ABTB3: variants seen among roughly 807,000 people sequenced by gnomAD.
The protein encoded by ABTB3 is ankyrin repeat and BTB domain containing 3.
At chr12:107,545,853 C>T in the ABTB3 span, among the ~76,000 whole-genome samples, 2 of 152,118 alleles carry the variant, frequency 1.3e-5, no homozygotes, top group African/African-American at 4.8e-5. Context: ...CACTCCTAGC[C>T]CCAACAGCCT....
At chr12:107,367,043 A>G in the ABTB3 span, among the ~76,000 whole-genome samples, 53 of 152,268 alleles carry the variant, frequency 3.5e-4, no homozygotes, top group Middle Eastern at 3.4e-3. Context: ...CCACTCCCCA[A>G]ATAGTTGGGA....
the ABTB3 span, chr12:107,612,933 AG>A: frequency 1.1e-5 from 17 of 1,482,374 alleles, no homozygotes; most frequent in African/African-American, 2.2e-4. Context: ...CGAGCAAGAA[AG>A]GGGGGCTTTT....
the ABTB3 span, among the ~76,000 whole-genome samples, chr12:107,605,680 T>G: frequency 1.3e-5 from 2 of 152,326 alleles, no homozygotes; most frequent in Middle Eastern, 6.8e-3. Context: ...GTTCTATTTA[T>G]GTTTTAAACT....
chr12:107,340,746 C>A, the ABTB3 span, among the ~76,000 whole-genome samples: 8 of 152,230 alleles, frequency 5.3e-5, no homozygotes, highest in Non-Finnish European at 1.2e-4. Flanking sequence ...AAGAAACAAA[C>A]AAACCCTCCT....
chr12:107,538,524 C>G, the ABTB3 span, among the ~76,000 whole-genome samples: 2 of 152,164 alleles, frequency 1.3e-5, no homozygotes, highest in African/African-American at 4.8e-5. Context: ...TTTCAGGGAG[C>G]AGCTCTTTGA....
the ABTB3 span, among the ~76,000 whole-genome samples, chr12:107,370,381 T>C: frequency 6.6e-6 from 1 of 152,220 alleles, no homozygotes; most frequent in Non-Finnish European, 1.5e-5. Context: ...CTTTCTCTTC[T>C]TCCAAAGTCA....
the ABTB3 span, among the ~76,000 whole-genome samples, chr12:107,634,115 C>CT: frequency 6.6e-6 from 1 of 152,214 alleles, no homozygotes; most frequent in African/African-American, 2.4e-5. Context: ...ACTGTTCCTT[C>CT]TGTGATCTAC....
the ABTB3 span, among the ~76,000 whole-genome samples, chr12:107,408,635 G>A: frequency 1.3e-5 from 2 of 152,214 alleles, no homozygotes; most frequent in Non-Finnish European, 2.9e-5. Context: ...TGAGTGTAAT[G>A]AGGGTCTGGA....
the ABTB3 span, among the ~76,000 whole-genome samples, chr12:107,342,823 G>A: frequency 1.8e-4 from 28 of 152,062 alleles, no homozygotes; most frequent in Non-Finnish European, 2.4e-4. Flanking sequence ...ATTTCTTGGG[G>A]TTGCTCCCAT....
At chr12:107,377,242 C>T in the ABTB3 span, among the ~76,000 whole-genome samples, 2 of 152,166 alleles carry the variant, frequency 1.3e-5, no homozygotes, top group Admixed American at 6.6e-5. Flanking sequence ...TTTAGGACAG[C>T]GCTGAAGCAT....
At chr12:107,652,358 G>T in the ABTB3 span, among the ~76,000 whole-genome samples, 1 of 152,214 alleles carries the variant, frequency 6.6e-6, no homozygotes, top group African/African-American at 2.4e-5. Context: ...AATGCCAGCT[G>T]CAAGTTAGAA....
the ABTB3 span, among the ~76,000 whole-genome samples, chr12:107,563,336 G>C: frequency 6.6e-6 from 1 of 152,150 alleles, no homozygotes; most frequent in South Asian, 2.1e-4. Context: ...TCAAAGAAAG[G>C]TGATTGAGAA....
the ABTB3 span, among the ~76,000 whole-genome samples, chr12:107,562,415 G>A: frequency 6.6e-6 from 1 of 152,210 alleles, no homozygotes; most frequent in Non-Finnish European, 1.5e-5. Flanking sequence ...CAAGCCATAT[G>A]GATATCTGAG....
chr12:107,319,033 C>G, the ABTB3 span: 1 of 1,613,764 alleles, frequency 6.2e-7, no homozygotes, highest in Non-Finnish European at 8.5e-7. Flanking sequence ...CGGTGCGCTC[C>G]TCCAACTTGT....
the ABTB3 span, among the ~76,000 whole-genome samples, chr12:107,468,164 G>A: frequency 1.5e-3 from 230 of 152,304 alleles, no homozygotes; most frequent in African/African-American, 5.1e-3. Flanking sequence ...CCTCCCAGAA[G>A]GCTGGGCAGC....
the ABTB3 span, among the ~76,000 whole-genome samples, chr12:107,441,688 A>G: frequency 1.3e-5 from 2 of 151,584 alleles, no homozygotes; most frequent in African/African-American, 4.9e-5. Context: ...CTAAAATCCT[A>G]GCACTTTGGG....
At chr12:107,373,657 A>C in the ABTB3 span, among the ~76,000 whole-genome samples, 1 of 152,168 alleles carries the variant, frequency 6.6e-6, no homozygotes, top group Non-Finnish European at 1.5e-5. Context: ...AAGCTCCTCT[A>C]TCTTATAGAT....
At chr12:107,550,034 C>G in the ABTB3 span, among the ~76,000 whole-genome samples, 1 of 152,180 alleles carries the variant, frequency 6.6e-6, no homozygotes, top group African/African-American at 2.4e-5. Context: ...GCTACAAGGG[C>G]TCCCACTGAA....
At chr12:107,478,746 T>C in the ABTB3 span, among the ~76,000 whole-genome samples, 1 of 152,058 alleles carries the variant, frequency 6.6e-6, no homozygotes, top group East Asian at 1.9e-4. Context: ...ATTTCACCCC[T>C]TGGAGAGAGG....
Sources: allele counts gnomAD v4.1 joint callset (sites outside exome capture counted in the v4.1 genomes callset), GRCh38; gene constraint gnomAD v4.1.1; transcripts MANE v1.5; gene names NCBI Gene and HGNC (gene_info 2026-07-23, HGNC 2026-07-21).